The following PIP5K1B variants were observed in gnomAD, a reference collection of about 807,000 sequenced individuals.
PIP5K1B encodes the protein phosphatidylinositol 4-phosphate 5-kinase type-1 beta.
Under a neutral mutation model 67.0 loss-of-function variants are expected in PIP5K1B, and 42 were observed. The ratio of observed to expected loss-of-function variants is 0.63; its 90% CI spans 0.49 to 0.81. The LOEUF is 0.81. Among genes scored for constraint, PIP5K1B ranks in the 30% least tolerant of loss-of-function variants. PIP5K1B has a pLI of 0.00. For synonymous variants in PIP5K1B, 214 were observed against 231.4 expected (o/e 0.92, Z 0.68); for missense variants, 459 against 646.3 (o/e 0.71, Z 3.14).
At chr9:68,747,543 T>C (rs1829380681) in intron 2 of PIP5K1B, among the ~76,000 whole-genome samples, 1 of 152,074 alleles carries the variant, frequency 6.6e-6, no homozygotes, top group Non-Finnish European at 1.5e-5. Flanking sequence ...GGCTCTGTTA[T>C]AAGGAAATGC....
At chr9:68,919,754 T>G (rs1826272405) in intron 11 of PIP5K1B, 25 bp downstream of exon 11, 1 of 1,340,094 alleles carries the variant, frequency 7.5e-7, no homozygotes, top group East Asian at 2.3e-5. Context: ...TTCCTTATTA[T>G]ACTGTATATA....
chr9:68,977,969 A>G (rs533477027), intron 14 of PIP5K1B, among the ~76,000 whole-genome samples: 2 of 152,178 alleles, frequency 1.3e-5, no homozygotes, highest in African/African-American at 2.4e-5. Flanking sequence ...TTTAACATTT[A>G]TTATTAATAT....
intron 4 of PIP5K1B, among the ~76,000 whole-genome samples, chr9:68,849,042 C>T (rs1056242355): frequency 2.6e-5 from 4 of 151,974 alleles, no homozygotes; most frequent in East Asian, 1.9e-4. Flanking sequence ...TGATGAAATC[C>T]GTAGAAGACA....
intron 6 of PIP5K1B, among the ~76,000 whole-genome samples, chr9:68,879,401 C>G (rs1325454762): frequency 6.6e-6 from 1 of 152,034 alleles, no homozygotes; most frequent in Non-Finnish European, 1.5e-5. Flanking sequence ...AACCCCGTCT[C>G]TACTAAAAAT....
At chr9:68,890,921 A>G (rs1219277828) in intron 7 of PIP5K1B, among the ~76,000 whole-genome samples, 1 of 152,184 alleles carries the variant, frequency 6.6e-6, no homozygotes, top group Non-Finnish European at 1.5e-5. Context: ...TGCATTGGCC[A>G]TATTTGACTA....
Position 68,938,245 on chromosome 9 carries a change from A to G in PIP5K1B, c.1358-2401A>G, listed in dbSNP as rs578025437. ...TGTGTGGGAGTCTAAGTCTCTTTGT[A>G]GGTCTCTCAGAACTTGCTTTATGAA... On this transcript the variant is annotated intron_variant, in intron 13 of 15. Coordinates refer to ENST00000265382, the MANE Select transcript of PIP5K1B (RefSeq NM_003558.4). 2.0e-5 allele frequency among the ~76,000 whole-genome samples: 3 copies of G among 152,286 alleles called. No individual in the cohort carries two copies. In the South Asian group the frequency reaches 6.2e-4, roughly 32 times the overall value.
chr9:68,949,569 G>C (rs1827959531), intron 14 of PIP5K1B, among the ~76,000 whole-genome samples: 1 of 152,240 alleles, frequency 6.6e-6, no homozygotes, highest in Non-Finnish European at 1.5e-5. Flanking sequence ...TCAGATTCTA[G>C]TAAGGAGAAC....
At chr9:68,806,179 T>G (rs1279756465) in intron 2 of PIP5K1B, among the ~76,000 whole-genome samples, 1 of 152,184 alleles carries the variant, frequency 6.6e-6, no homozygotes, top group Non-Finnish European at 1.5e-5. Flanking sequence ...GCAGCTGGGA[T>G]AAAGGTGGCA....
chr9:68,858,860 T>C (rs1198849072), intron 4 of PIP5K1B, among the ~76,000 whole-genome samples: 2 of 152,254 alleles, frequency 1.3e-5, no homozygotes, highest in African/African-American at 4.8e-5. Flanking sequence ...GATAGTGTGC[T>C]GTAGAAAGCA....
intron 1 of PIP5K1B, among the ~76,000 whole-genome samples, chr9:68,707,128 C>T (rs1193915878): frequency 6.6e-6 from 1 of 152,016 alleles, no homozygotes; most frequent in Non-Finnish European, 1.5e-5. Flanking sequence ...AACGGTGGTT[C>T]TGATATGGTC....
At chr9:68,789,705 C>G in intron 2 of PIP5K1B, 1 of 272,896 alleles carries the variant, frequency 3.7e-6, no homozygotes, top group South Asian at 3.8e-5. Flanking sequence ...AAAGGAAAGC[C>G]TTTTTCAGTC....
chr9:68,826,023 C>A (rs760724397), intron 4 of PIP5K1B, among the ~76,000 whole-genome samples: 14 of 152,196 alleles, frequency 9.2e-5, no homozygotes, highest in Non-Finnish European at 1.3e-4. Context: ...TTGACCATTT[C>A]CTGAATCCAT....
intron 12 of PIP5K1B, among the ~76,000 whole-genome samples, chr9:68,932,140 A>G (rs944409768): frequency 5.3e-5 from 8 of 152,204 alleles, no homozygotes; most frequent in Non-Finnish European, 1.0e-4. Flanking sequence ...TGCCATGAGT[A>G]TAGGTCTCCT....
intron 14 of PIP5K1B, among the ~76,000 whole-genome samples, chr9:68,945,159 T>C (rs901343639): frequency 1.3e-5 from 2 of 151,966 alleles, no homozygotes; most frequent in South Asian, 4.2e-4. Context: ...GTTTTTTGGG[T>C]TTTTTTGAGA....
chr9:68,926,691 C>T (rs939401442), intron 12 of PIP5K1B, among the ~76,000 whole-genome samples: 15 of 152,108 alleles, frequency 9.9e-5, no homozygotes, highest in African/African-American at 3.4e-4. Context: ...CCTTTCTTAG[C>T]CTCCCAAATA....
At chr9:68,849,655 C>G (rs62571163) in intron 4 of PIP5K1B, among the ~76,000 whole-genome samples, 2 of 152,216 alleles carry the variant, frequency 1.3e-5, no homozygotes, top group Non-Finnish European at 2.9e-5. Context: ...CATGCGCCAC[C>G]ACGCCCAGCC....
intron 14 of PIP5K1B, among the ~76,000 whole-genome samples, chr9:68,951,994 G>A (rs1490039258): frequency 7.9e-5 from 12 of 152,018 alleles, no homozygotes; most frequent in Non-Finnish European, 1.3e-4. Flanking sequence ...TTCTCCACCC[G>A]ACACATACCA....
chr9:68,918,015 C>G (rs578046277), intron 9 of PIP5K1B, among the ~76,000 whole-genome samples: 2 of 151,880 alleles, frequency 1.3e-5, no homozygotes, highest in Admixed American at 6.6e-5. Flanking sequence ...TCCCCATTAA[C>G]TACATATTCA....
At chr9:68,712,364 A>G (rs1039298045) in intron 1 of PIP5K1B, among the ~76,000 whole-genome samples, 1 of 152,228 alleles carries the variant, frequency 6.6e-6, no homozygotes. Flanking sequence ...TTTCTTTATG[A>G]ATTATGCAGC....
Sources: allele counts gnomAD v4.1 joint callset (sites outside exome capture counted in the v4.1 genomes callset), GRCh38; gene constraint gnomAD v4.1.1; transcripts MANE v1.5; gene names NCBI Gene and HGNC (gene_info 2026-07-23, HGNC 2026-07-21).